The following PRKCH variants were observed in gnomAD, a reference collection of about 807,000 sequenced individuals.
The protein encoded by PRKCH is protein kinase C eta.
A neutral mutation model predicts 82.5 loss-of-function variants in PRKCH; 28 were observed. The ratio of observed to expected loss-of-function variants is 0.34; its 90% CI spans 0.25 to 0.47. The LOEUF (loss-of-function observed/expected upper bound fraction) is 0.47, where lower values mean the gene tolerates loss of function less well. Among genes scored for constraint, PRKCH ranks in the 20% least tolerant of loss-of-function variants. The probability of loss-of-function intolerance (pLI) is 1.00; values close to 1 mark genes in which losing one functional copy is unlikely to be tolerated. For synonymous variants in PRKCH, 322 were observed against 327.4 expected (o/e 0.98, Z 0.18); for missense variants, 705 against 881.8 (o/e 0.80, Z 2.54).
At chr14:61,410,721 G>A (rs528310898) in intron 2 of PRKCH, among the ~76,000 whole-genome samples, 54 of 152,232 alleles carry the variant, frequency 3.5e-4, no homozygotes, top group African/African-American at 1.2e-3. Context: ...AAAGATAAGC[G>A]TTACCTGTAG....
chr14:61,388,512 C>G (rs558858637), intron 1 of PRKCH, among the ~76,000 whole-genome samples: 152 of 152,278 alleles, frequency 1.0e-3, no homozygotes, highest in African/African-American at 3.5e-3. Flanking sequence ...TGGCTGTGGG[C>G]TGCAGGATGG....
chr14:61,296,638 A>C (rs1049541702), intron 1 of PRKCH, among the ~76,000 whole-genome samples: 5 of 152,218 alleles, frequency 3.3e-5, no homozygotes, highest in African/African-American at 9.6e-5. Flanking sequence ...TCCATGCAGA[A>C]GACTGGCCAT....
intron 1 of PRKCH, among the ~76,000 whole-genome samples, chr14:61,235,675 T>C (rs1029380771): frequency 1.3e-5 from 2 of 152,234 alleles, no homozygotes; most frequent in Admixed American, 6.5e-5. Flanking sequence ...CATGTTTAAA[T>C]ACACTAACCC....
At chr14:61,502,319 C>T (rs1232071056) in intron 10 of PRKCH, among the ~76,000 whole-genome samples, 1 of 152,026 alleles carries the variant, frequency 6.6e-6, no homozygotes, top group Non-Finnish European at 1.5e-5. Context: ...CCCCAGCCTT[C>T]CAAAGTGCTG....
At chr14:61,325,172 G>A (rs1169986166) in intron 1 of PRKCH, among the ~76,000 whole-genome samples, 1 of 152,192 alleles carries the variant, frequency 6.6e-6, no homozygotes, top group Non-Finnish European at 1.5e-5. Flanking sequence ...GAATAGTTTT[G>A]AAAAAGAACA....
intron 3 of PRKCH, among the ~76,000 whole-genome samples, chr14:61,444,854 C>T (rs1884145244): frequency 6.6e-6 from 1 of 152,180 alleles, no homozygotes; most frequent in South Asian, 2.1e-4. Context: ...TTTTATATTA[C>T]AACTTTTAAT....
intron 1 of PRKCH, among the ~76,000 whole-genome samples, chr14:61,241,569 G>A (rs1178637220): frequency 1.6e-5 from 2 of 124,882 alleles, no homozygotes; most frequent in African/African-American, 5.8e-5. Context: ...GAGATTTTAG[G>A]AGTCCTAGGC....
At chr14:61,464,075 A>G (rs1242470985) in intron 9 of PRKCH, among the ~76,000 whole-genome samples, 2 of 152,150 alleles carry the variant, frequency 1.3e-5, no homozygotes, top group East Asian at 1.9e-4. Context: ...TTTTCTTTGG[A>G]TGTATATCCA....
At chr14:61,539,512 T>C (rs564106718) in intron 12 of PRKCH, among the ~76,000 whole-genome samples, 1 of 152,320 alleles carries the variant, frequency 6.6e-6, no homozygotes, top group South Asian at 2.1e-4. Flanking sequence ...AGTTACAACC[T>C]GCCAGGTAAG....
At chr14:61,548,503 C>G (rs972998539) in intron 13 of PRKCH, among the ~76,000 whole-genome samples, 2 of 152,238 alleles carry the variant, frequency 1.3e-5, no homozygotes, top group African/African-American at 4.8e-5. Context: ...TGAGCTCGTG[C>G]TCATCTGTGG....
At chr14:61,459,923 A>C (rs1004250266) in intron 9 of PRKCH, among the ~76,000 whole-genome samples, 2 of 152,200 alleles carry the variant, frequency 1.3e-5, no homozygotes, top group African/African-American at 4.8e-5. Flanking sequence ...GGCTCACTGC[A>C]GCCTCAAGCT....
At chr14:61,444,792 T>C (rs76278255) in intron 3 of PRKCH, among the ~76,000 whole-genome samples, 6,075 of 152,314 alleles carry the variant, frequency 0.04, 432 homozygotes, top group African/African-American at 0.14. Context: ...TTATTTTACT[T>C]GTATAATAAA....
At position 61,210,641 on chromosome 14, in the gene PRKCH, A is replaced by G. The variant is rs568314668; in HGVS notation, c.-19+22973A>G. 5.3e-5 allele frequency among the ~76,000 whole-genome samples: 8 copies of G among 152,252 alleles called. No homozygotes were observed. The South Asian group carries it at 1.2e-3, about 24-fold the overall frequency. ...TTTAGACCCAGCCCTCATTTTACAG[A>G]TGAGGTCAAGGGGGATGAAGTGACT... On this transcript the variant is annotated intron_variant, in intron 1 of 3. Transcript: ENST00000555185.
intron 1 of PRKCH, chr14:61,298,224 G>C (rs1361454071): frequency 1.3e-5 from 2 of 152,382 alleles, no homozygotes; most frequent in African/African-American, 4.8e-5. Flanking sequence ...CCAGTTCCTT[G>C]ATGGTGTTAA....
chr14:61,514,807 T>G (rs1461992247), intron 10 of PRKCH, among the ~76,000 whole-genome samples: 2 of 152,166 alleles, frequency 1.3e-5, no homozygotes, highest in African/African-American at 4.8e-5. Flanking sequence ...TCATGGATAT[T>G]GCATTTTAGG....
intron 1 of PRKCH, among the ~76,000 whole-genome samples, chr14:61,201,706 G>A (rs1048116869): frequency 6.6e-6 from 1 of 151,960 alleles, no homozygotes; most frequent in Non-Finnish European, 1.5e-5. Flanking sequence ...ATAGCCAATA[G>A]AACTAAAAAT....
At chr14:61,481,937 C>T (rs1389873283) in intron 9 of PRKCH, among the ~76,000 whole-genome samples, 1 of 151,348 alleles carries the variant, frequency 6.6e-6, no homozygotes, top group African/African-American at 2.4e-5. Context: ...CTGATGATGA[C>T]TCCTCACCCC....
chr14:61,346,957 A>AG lies in PRKCH; in HGVS notation c.363+24493_363+24494insG, dbSNP rs576251857. 6.3e-3 allele frequency among the ~76,000 whole-genome samples: 952 copies of AG among 152,282 alleles called. 4 individuals carry two copies. The highest frequency in any genetic ancestry group is 0.011 in the Non-Finnish European group (751 of 68,026). On this transcript the variant is annotated intron_variant, in intron 1 of 13. Coordinates refer to ENST00000332981, the MANE Select transcript of PRKCH (RefSeq NM_006255.5). ...ATTAGCTAATGATGTTGATGTCCTCACAAGCATTGTTTAGGAATGGCTTAG... is the reference window on the plus strand; with the variant it reads ...ATTAGCTAATGATGTTGATGTCCTCAGCAAGCATTGTTTAGGAATGGCTTAG...
intron 1 of PRKCH, among the ~76,000 whole-genome samples, chr14:61,294,245 C>T (rs61993665): frequency 0.043 from 6,503 of 151,996 alleles, 224 homozygotes; most frequent in East Asian, 0.13. Context: ...CTCAGCCTCC[C>T]GAGTAGCTGG....
Sources: gnomAD v4.1 joint callset for allele counts (sites outside exome capture counted in the v4.1 genomes callset) on GRCh38, gnomAD v4.1.1 for gene constraint, MANE v1.5 for transcripts, NCBI Gene and HGNC (gene_info 2026-07-23, HGNC 2026-07-21) for gene names.